Variants in TENM2 observed in about 807,000 individuals in gnomAD.
TENM2 encodes the protein teneurin-2.
In TENM2, 52 loss-of-function variants were observed where a neutral mutation model predicts 245.2. The ratio of observed to expected loss-of-function variants is 0.21; its 90% CI spans 0.17 to 0.27. TENM2 has a LOEUF of 0.27. TENM2 is among the 10% of genes least tolerant of loss of function. The pLI, the probability that TENM2 is intolerant of heterozygous loss-of-function variation, is 1.00. For synonymous variants in TENM2, 1,363 were observed against 1,438.9 expected (o/e 0.95, Z 1.19); for missense variants, 3,046 against 3,666.8 (o/e 0.83, Z 4.37).
intron 2 of TENM2, among the ~76,000 whole-genome samples, chr5:167,405,769 A>AACACACACAC (rs149621688): frequency 0.019 from 2,718 of 145,264 alleles, 62 homozygotes; most frequent in African/African-American, 0.051. Context: ...CACACACACA[A>AACACACACAC]ACACACACAC....
intron 1 of TENM2, among the ~76,000 whole-genome samples, chr5:167,319,664 T>G (rs1441375103): frequency 6.6e-6 from 1 of 152,224 alleles, no homozygotes; most frequent in Non-Finnish European, 1.5e-5. Flanking sequence ...AGAAGCTGCA[T>G]CAGGGTGCTA....
intron 5 of TENM2, among the ~76,000 whole-genome samples, chr5:168,034,172 TAC>T (rs397839230): frequency 0.013 from 1,076 of 84,308 alleles, 11 homozygotes; most frequent in African/African-American, 0.019. Flanking sequence ...TGTATATATA[TAC>T]ACACACACAC....
At chr5:168,157,930 G>A (rs756053268) in intron 12 of TENM2, among the ~76,000 whole-genome samples, 5 of 152,038 alleles carry the variant, frequency 3.3e-5, no homozygotes, top group Non-Finnish European at 7.4e-5. Context: ...TGTTGTTGTT[G>A]TTGTTGTTTT....
At chr5:167,401,773 A>G (rs191962312) in intron 2 of TENM2, among the ~76,000 whole-genome samples, 4 of 152,188 alleles carry the variant, frequency 2.6e-5, no homozygotes, top group African/African-American at 9.7e-5. Flanking sequence ...ATTTTGAGAA[A>G]TAGCATAAAA....
chr5:167,174,334 C>T, the TENM2 span, among the ~76,000 whole-genome samples: 4 of 152,124 alleles, frequency 2.6e-5, no homozygotes, highest in African/African-American at 9.7e-5. Flanking sequence ...TTAATTTTCC[C>T]TGTCACACGA....
chr5:167,001,128 A>G, the TENM2 span, among the ~76,000 whole-genome samples: 1 of 152,124 alleles, frequency 6.6e-6, no homozygotes, highest in Non-Finnish European at 1.5e-5. Flanking sequence ...CAGAAATTAC[A>G]CTTTTCTAAC....
chr5:167,944,597 C>A (rs750618238), intron 3 of TENM2, among the ~76,000 whole-genome samples: 39 of 152,276 alleles, frequency 2.6e-4, no homozygotes, highest in Non-Finnish European at 5.0e-4. Context: ...AGGGAATTGC[C>A]ATTTCCATGA....
chr5:167,866,192 C>G (rs1346253479), intron 2 of TENM2, among the ~76,000 whole-genome samples: 5 of 152,078 alleles, frequency 3.3e-5, no homozygotes, highest in Admixed American at 6.6e-5. Context: ...GAGTGTCTTC[C>G]AAAGGTCTCT....
At chr5:168,158,797 T>TA (rs1210826589) in intron 12 of TENM2, among the ~76,000 whole-genome samples, 124 of 104,532 alleles carry the variant, frequency 1.2e-3, no homozygotes, top group African/African-American at 4.4e-3. Flanking sequence ...CCATCTCTAC[T>TA]AAAAAAAAAA....
chr5:168,050,426 G>A (rs184028364), intron 6 of TENM2, among the ~76,000 whole-genome samples: 2 of 152,242 alleles, frequency 1.3e-5, no homozygotes, highest in Admixed American at 1.3e-4. Flanking sequence ...CTTTTCCAGT[G>A]TTTCAAAGAG....
intron 12 of TENM2, among the ~76,000 whole-genome samples, chr5:168,158,850 T>TATATATATATACACACAC (rs1339051385): frequency 9.6e-5 from 6 of 62,332 alleles, no homozygotes; most frequent in Admixed American, 2.3e-4. Flanking sequence ...TATATATATA[T>TATATATATATACACACAC]ACACACACAC....
chr5:167,823,091 T>G (rs896080331), intron 2 of TENM2, among the ~76,000 whole-genome samples: 1 of 152,180 alleles, frequency 6.6e-6, no homozygotes, highest in Non-Finnish European at 1.5e-5. Context: ...TTGCCAGATT[T>G]TTTTCTTAGT....
chr5:167,158,905 TTCCTCTTC>T, the TENM2 span, among the ~76,000 whole-genome samples: 2 of 142,156 alleles, frequency 1.4e-5, no homozygotes, highest in African/African-American at 5.6e-5. Flanking sequence ...CCTTCCTTCC[TTCCTCTTC>T]CTCTCTCTCT....
intron 2 of TENM2, among the ~76,000 whole-genome samples, chr5:167,827,619 C>A: frequency 5.6e-4 from 1 of 1,784 alleles, no homozygotes; most frequent in Non-Finnish European, 1.5e-3. Flanking sequence ...TGGCAAGGAG[C>A]TAGGTGGGCG....
chr5:167,130,720 T>C, the TENM2 span, among the ~76,000 whole-genome samples: 7 of 152,038 alleles, frequency 4.6e-5, no homozygotes, highest in African/African-American at 1.5e-4. Context: ...TTCCCTCCAA[T>C]GTCTGTTGTG....
chr5:167,537,163 G>A (rs1771903855), intron 2 of TENM2, among the ~76,000 whole-genome samples: 1 of 150,048 alleles, frequency 6.7e-6, no homozygotes, highest in African/African-American at 2.4e-5. Flanking sequence ...TGTAATCATA[G>A]CACTTTGGGA....
chr5:167,450,460 G>A (rs776121779), intron 2 of TENM2, among the ~76,000 whole-genome samples: 5 of 151,938 alleles, frequency 3.3e-5, no homozygotes, highest in Admixed American at 1.3e-4. Context: ...CTAATTTCTC[G>A]TTATTTCACT....
At chr5:168,019,149 C>T (rs932765255) in intron 5 of TENM2, among the ~76,000 whole-genome samples, 2 of 152,100 alleles carry the variant, frequency 1.3e-5, no homozygotes, top group African/African-American at 4.8e-5. Flanking sequence ...GAGTAGAATG[C>T]CACGTATCAT....
chr5:167,380,820 G>A (rs1167339829), intron 2 of TENM2, among the ~76,000 whole-genome samples: 1 of 152,100 alleles, frequency 6.6e-6, no homozygotes, highest in Admixed American at 6.5e-5. Flanking sequence ...ATGGTAAGAA[G>A]CAAAATGTTT....
Sources: gnomAD v4.1 joint callset for allele counts (sites outside exome capture counted in the v4.1 genomes callset) on GRCh38, gnomAD v4.1.1 for gene constraint, MANE v1.5 for transcripts, NCBI Gene and HGNC (gene_info 2026-07-23, HGNC 2026-07-21) for gene names.